CDYL: variants seen among roughly 807,000 people sequenced by gnomAD.
CDYL encodes chromodomain Y like, also known as chromodomain Y-like protein.
A neutral mutation model predicts 47.3 loss-of-function variants in CDYL; 8 were observed. The observed-to-expected ratio is 0.17, with a 90% CI of 0.10 to 0.31. The LOEUF is 0.31. Ranked by LOEUF, CDYL falls within the 10% of genes least tolerant of loss-of-function variation. CDYL has a pLI of 1.00. For missense variants in CDYL, 471 were observed against 701.4 expected (o/e 0.67, Z 3.71); for synonymous variants, 266 against 265.0 (o/e 1.00, Z -0.04).
intron 1 of CDYL, among the ~76,000 whole-genome samples, chr6:4,848,551 C>A (rs577555453): frequency 3.3e-5 from 5 of 152,192 alleles, no homozygotes; most frequent in African/African-American, 9.7e-5. Context: ...CAATGAAGGT[C>A]TTCGACACAG....
At chr6:4,803,686 C>T (rs898366194) in intron 1 of CDYL, among the ~76,000 whole-genome samples, 5 of 151,354 alleles carry the variant, frequency 3.3e-5, no homozygotes, top group East Asian at 3.9e-4. Context: ...AGCATCAGCA[C>T]GTGGCCTCGG....
At chr6:4,763,534 T>G (rs1758207513) in intron 3 of CDYL, among the ~76,000 whole-genome samples, 1 of 152,150 alleles carries the variant, frequency 6.6e-6, no homozygotes, top group Non-Finnish European at 1.5e-5. Context: ...AAAATAAAAG[T>G]ATTGGTATTA....
rs555656156 is a variant in CDYL at position 4,743,133 on chromosome 6, A to G, written c.186+8289A>G. ...CAATTGGCCTGGCTGCCTTGAGACC[A>G]TTTGAAAGAAGAAAGAAGTTGGGTG... On this transcript the variant is annotated intron_variant, in intron 3 of 8. Coordinates refer to the CDYL transcript ENST00000328908. Among the ~76,000 whole-genome samples, 5 of 152,254 alleles carry G rather than the reference A, an allele frequency of 3.3e-5. No homozygotes were observed. In the South Asian group the frequency reaches 1.0e-3, roughly 32 times the overall value.
At chr6:4,894,887 G>C (rs1561692342) in intron 2 of CDYL, among the ~76,000 whole-genome samples, 1 of 149,396 alleles carries the variant, frequency 6.7e-6, no homozygotes, top group Non-Finnish European at 1.5e-5. Flanking sequence ...GTGTATGTGT[G>C]TGTATATATA....
At chr6:4,823,670 T>A (rs1759901568) in intron 1 of CDYL, among the ~76,000 whole-genome samples, 1 of 152,150 alleles carries the variant, frequency 6.6e-6, no homozygotes, top group Non-Finnish European at 1.5e-5. Flanking sequence ...GTTAATCCAA[T>A]GTTGTATTTG....
At chr6:4,818,436 T>C (rs1759734433) in intron 1 of CDYL, among the ~76,000 whole-genome samples, 1 of 152,212 alleles carries the variant, frequency 6.6e-6, no homozygotes, top group African/African-American at 2.4e-5. Flanking sequence ...GTGTGAGGTA[T>C]GTACAGTGAA....
chr6:4,719,172 G>A (rs540895374), intron 2 of CDYL, among the ~76,000 whole-genome samples: 23 of 152,044 alleles, frequency 1.5e-4, no homozygotes, highest in African/African-American at 4.8e-4. Context: ...TAATCCACCC[G>A]CCTTGGCCTC....
chr6:4,860,601 CATAT>C (rs10599975), intron 1 of CDYL, among the ~76,000 whole-genome samples: 21 of 145,578 alleles, frequency 1.4e-4, no homozygotes, highest in Non-Finnish European at 3.0e-5. Context: ...ACATATATAT[CATAT>C]ATATTATATT....
intron 2 of CDYL, among the ~76,000 whole-genome samples, chr6:4,911,468 T>C (rs1757414276): frequency 6.6e-6 from 1 of 152,198 alleles, no homozygotes; most frequent in African/African-American, 2.4e-5. Flanking sequence ...TAGGAAAGTT[T>C]TTCCTGGTTT....
chr6:4,920,516 C>T (rs1054656397), intron 2 of CDYL, among the ~76,000 whole-genome samples: 7 of 152,246 alleles, frequency 4.6e-5, no homozygotes, highest in African/African-American at 1.2e-4. Flanking sequence ...CAGTGGAGGG[C>T]GCCGTTCCTG....
At chr6:4,731,931 G>T (rs189950417) in intron 2 of CDYL, among the ~76,000 whole-genome samples, 1 of 151,978 alleles carries the variant, frequency 6.6e-6, no homozygotes, top group African/African-American at 2.4e-5. Flanking sequence ...ATTTCTTTTC[G>T]GTGTCAATTA....
At chr6:4,900,765 T>G in intron 2 of CDYL, among the ~76,000 whole-genome samples, 1 of 83,934 alleles carries the variant, frequency 1.2e-5, no homozygotes, top group Admixed American at 1.3e-4. Context: ...CTTCTGTTAA[T>G]TCCGTATACG....
At chr6:4,861,530 G>A (rs772144299) in intron 1 of CDYL, among the ~76,000 whole-genome samples, 1 of 152,222 alleles carries the variant, frequency 6.6e-6, no homozygotes. Context: ...GAAGTAGGGG[G>A]AAGAGACTGT....
At chr6:4,806,159 C>T (rs1022287924) in intron 1 of CDYL, among the ~76,000 whole-genome samples, 1 of 152,188 alleles carries the variant, frequency 6.6e-6, no homozygotes, top group African/African-American at 2.4e-5. Context: ...AGGAGGGGCC[C>T]TGCATGCCGA....
chr6:4,884,644 A>G (rs1270134633), intron 1 of CDYL, among the ~76,000 whole-genome samples: 3 of 152,298 alleles, frequency 2.0e-5, no homozygotes, highest in East Asian at 3.9e-4. Flanking sequence ...GAGACAAGAT[A>G]GTGTCTCCAG....
At chr6:4,880,846 G>A (rs1761744253) in intron 1 of CDYL, among the ~76,000 whole-genome samples, 1 of 152,086 alleles carries the variant, frequency 6.6e-6, no homozygotes, top group African/African-American at 2.4e-5. Context: ...GATGTCTTTT[G>A]CCCATTTTTA....
intron 1 of CDYL, among the ~76,000 whole-genome samples, chr6:4,831,293 A>G (rs1760136511): frequency 1.3e-5 from 2 of 152,212 alleles, no homozygotes; most frequent in African/African-American, 2.4e-5. Flanking sequence ...AGCTTTCTAC[A>G]TATGGCTAGC....
At chr6:4,846,481 A>G (rs1760662019) in intron 1 of CDYL, among the ~76,000 whole-genome samples, 1 of 152,216 alleles carries the variant, frequency 6.6e-6, no homozygotes, top group Non-Finnish European at 1.5e-5. Flanking sequence ...CTGTCAGACT[A>G]ATATTCTATG....
At chr6:4,771,530 A>G (rs1758338280), upstream of CDYL, among the ~76,000 whole-genome samples, 1 of 152,152 alleles carries the variant, frequency 6.6e-6, no homozygotes, top group South Asian at 2.1e-4. Flanking sequence ...ATCAAGCCCC[A>G]CTAAGCGCCT....
Sources: allele counts gnomAD v4.1 joint callset (sites outside exome capture counted in the v4.1 genomes callset), GRCh38; gene constraint gnomAD v4.1.1; transcripts MANE v1.5; gene names NCBI Gene and HGNC (gene_info 2026-07-23, HGNC 2026-07-21).